The following SDK1 variants were observed in gnomAD, a reference collection of about 807,000 sequenced individuals.
SDK1 encodes sidekick cell adhesion molecule 1, also known as protein sidekick-1.
SDK1 carries 157 observed loss-of-function variants against 245.5 expected under a neutral mutation model. The ratio of observed to expected loss-of-function variants is 0.64; its 90% confidence interval spans 0.56 to 0.73. The LOEUF (loss-of-function observed/expected upper bound fraction) is 0.73. Ranked by LOEUF, SDK1 falls within the 30% of genes least tolerant of loss-of-function variation. The pLI, the probability that SDK1 is intolerant of heterozygous loss-of-function variation, is 0.00. For missense variants in SDK1, 3,583 were observed against 3,002.3 expected, an observed-to-expected ratio of 1.19 and a Z score of -4.52; for synonymous variants, 1,647 against 1,278.5, an observed-to-expected ratio of 1.29 and a Z score of -6.15.
At chr7:3,797,494 CAG>C (rs1491088508) in intron 4 of SDK1, among the ~76,000 whole-genome samples, 1 of 136,694 alleles carries the variant, frequency 7.3e-6, no homozygotes, top group Non-Finnish European at 1.6e-5. Flanking sequence ...CACACACACA[CAG>C]TTTTTATTGC....
chr7:3,465,821 T>C (rs1336734307), intron 1 of SDK1, among the ~76,000 whole-genome samples: 1 of 152,182 alleles, frequency 6.6e-6, no homozygotes, highest in Admixed American at 6.5e-5. Context: ...GAGTCACCTT[T>C]TGGGTTGGCC....
At chr7:3,487,754 CAAAAAA>C (rs764105126) in intron 1 of SDK1, among the ~76,000 whole-genome samples, 6 of 64,958 alleles carry the variant, frequency 9.2e-5, no homozygotes, top group South Asian at 7.7e-4. Flanking sequence ...GACCCCATCT[CAAAAAA>C]AAAAAAAAAA....
chr7:3,377,314 G>A (rs137882487), intron 1 of SDK1, among the ~76,000 whole-genome samples: 1 of 152,194 alleles, frequency 6.6e-6, no homozygotes, highest in Non-Finnish European at 1.5e-5. Context: ...CATGTTTAAC[G>A]ATAAAGGACT....
intron 5 of SDK1, among the ~76,000 whole-genome samples, chr7:3,898,481 C>A (rs1018571897): frequency 6.6e-6 from 1 of 152,152 alleles, no homozygotes; most frequent in Admixed American, 6.5e-5. Context: ...TAAAATGGAA[C>A]AATGAAAATT....
intron 1 of SDK1, among the ~76,000 whole-genome samples, chr7:3,435,261 C>G (rs1779985821): frequency 1.4e-5 from 2 of 143,698 alleles, no homozygotes; most frequent in Admixed American, 7.0e-5. Context: ...CTGGAGAGAT[C>G]TATTCCAGTG....
At chr7:3,397,068 ATTCAG>A (rs1241309076) in intron 1 of SDK1, among the ~76,000 whole-genome samples, 2 of 151,856 alleles carry the variant, frequency 1.3e-5, no homozygotes, top group African/African-American at 2.4e-5. Context: ...ATAACTTAAA[ATTCAG>A]TTCAGGTTAA....
intron 13 of SDK1, among the ~76,000 whole-genome samples, chr7:3,983,467 A>G (rs1461605069): frequency 1.3e-5 from 2 of 150,032 alleles, no homozygotes; most frequent in Non-Finnish European, 3.0e-5. Flanking sequence ...GAAGGCTCAG[A>G]TGATCACCTT....
chr7:4,022,733 A>G (rs1262396052), intron 17 of SDK1, among the ~76,000 whole-genome samples: 1 of 147,640 alleles, frequency 6.8e-6, no homozygotes, highest in Non-Finnish European at 1.5e-5. Flanking sequence ...TGACCCCACC[A>G]CTCACTGGCC....
chr7:4,139,651 G>GTATATA lies in SDK1; in HGVS notation c.4229-6070_4229-6069insATATAT, dbSNP rs1562872461. 2.5e-3 allele frequency among the ~76,000 whole-genome samples: 54 copies of GTATATA among 21,808 alleles called. 6 individuals carry two copies. The South Asian group carries it at 0.026, about 11-fold the overall frequency. The allele number at this position is 21,808 out of a possible 152,430, so 14.3% of individuals were successfully genotyped here. ...TATATGTATATATGTGTGTGTATAT[G>GTATATA]TGTGTGTGTATATGTGTGTGTGTAT... On this transcript the variant is annotated intron_variant, in intron 28 of 44. Transcript: ENST00000404826.
rs371001699 is a variant in SDK1 at position 3,488,097 on chromosome 7, T to G, written c.299-130983T>G. On this transcript the variant is annotated intron_variant, in intron 1 of 44. Transcript: ENST00000404826. ...TTGGTCTAATTTTTCAGTTCAACTC[T>G]TGTGCAGATTCATCTCTTTACCTTT... 4.6e-5 allele frequency among the ~76,000 whole-genome samples: 7 copies of G among 152,334 alleles called. No individual in the cohort carries two copies. In the East Asian group the frequency reaches 5.8e-4, roughly 13 times the overall value.
In SDK1 at chr7:3,830,411, TTATTA is replaced by T. The variant is rs550243029; in HGVS notation, c.847+8833_847+8837del. Among the ~76,000 whole-genome samples, 450 of 152,302 alleles carry T rather than the reference TTATTA, an allele frequency of 3.0e-3. 4 individuals carry two copies. Among genetic ancestry groups the T allele is most frequent in the African/African-American group, 0.01 (431 of 41,570 alleles). ...CCCTTGTTAAATGTCTCAATTTAAA[TTATTA>T]TATTCAGATATTTAAGCATAAGAGT... On this transcript the variant is annotated intron_variant, in intron 5 of 44. Transcript: ENST00000404826.
At chr7:3,428,909 G>A (rs1053971882) in intron 1 of SDK1, among the ~76,000 whole-genome samples, 2 of 152,210 alleles carry the variant, frequency 1.3e-5, no homozygotes, top group South Asian at 4.1e-4. Context: ...GAGATATTGA[G>A]ATACTCTGCT....
intron 4 of SDK1, among the ~76,000 whole-genome samples, chr7:3,645,132 A>G (rs1170408647): frequency 6.6e-6 from 1 of 152,248 alleles, no homozygotes; most frequent in Middle Eastern, 3.2e-3. Flanking sequence ...ATAGAATGAA[A>G]GAACTTAATT....
At chr7:3,444,448 A>G (rs190878790) in intron 1 of SDK1, among the ~76,000 whole-genome samples, 4 of 152,190 alleles carry the variant, frequency 2.6e-5, no homozygotes, top group Admixed American at 1.3e-4. Context: ...TATTGAGTCA[A>G]TGGGTGATTT....
At chr7:3,335,138 C>T (rs1228733886) in intron 1 of SDK1, among the ~76,000 whole-genome samples, 1 of 152,198 alleles carries the variant, frequency 6.6e-6, no homozygotes, top group East Asian at 1.9e-4. Flanking sequence ...GTGGCCCTAA[C>T]TTTTAACTTC....
At chr7:3,912,923 T>C (rs1002218284) in intron 5 of SDK1, among the ~76,000 whole-genome samples, 13 of 152,236 alleles carry the variant, frequency 8.5e-5, no homozygotes, top group African/African-American at 3.1e-4. Context: ...GAGATGCAAG[T>C]CACAGTTTTC....
At chr7:3,382,520 G>A (rs1313314579) in intron 1 of SDK1, among the ~76,000 whole-genome samples, 7 of 152,270 alleles carry the variant, frequency 4.6e-5, no homozygotes, top group African/African-American at 1.4e-4. Flanking sequence ...AAGGTCAGTG[G>A]ACTGCTTACT....
intron 1 of SDK1, among the ~76,000 whole-genome samples, chr7:3,519,665 C>T (rs1322646781): frequency 6.6e-6 from 1 of 152,014 alleles, no homozygotes; most frequent in Non-Finnish European, 1.5e-5. Flanking sequence ...TAGTCTGTCT[C>T]TGTTACATCC....
rs1228282209 is a variant in SDK1, at chr7:3,624,820, C to T, written c.458+5581C>T. 2.0e-5 allele frequency among the ~76,000 whole-genome samples: 3 copies of T among 151,824 alleles called. No individual in the cohort carries two copies. In the South Asian group the frequency reaches 6.2e-4, roughly 32 times the overall value. Reference sequence around the variant, plus strand: ...CAGCACTTTGGGAGGCCGAGGGAGGCGCATCACCTGAGGTCAGGAGTTTGA... The same window carrying T: ...CAGCACTTTGGGAGGCCGAGGGAGGTGCATCACCTGAGGTCAGGAGTTTGA... On this transcript the variant is annotated intron_variant, in intron 2 of 44. Transcript: ENST00000404826.
Sources: gnomAD v4.1 joint callset for allele counts (sites outside exome capture counted in the v4.1 genomes callset) on GRCh38, gnomAD v4.1.1 for gene constraint, MANE v1.5 for transcripts, NCBI Gene and HGNC (gene_info 2026-07-23, HGNC 2026-07-21) for gene names.